STX17: variants seen among roughly 807,000 people sequenced by gnomAD.
STX17 encodes syntaxin 17, also known as syntaxin-17.
Under a neutral mutation model 35.9 loss-of-function variants are expected in STX17, and 29 were observed. The observed-to-expected ratio is 0.81, with a 90% CI of 0.60 to 1.10. The LOEUF (loss-of-function observed/expected upper bound fraction) is 1.10. STX17 is among the 50% of genes least tolerant of loss of function. The pLI is 0.00. For synonymous variants in STX17, 92 were observed against 118.3 expected (o/e 0.78, Z 1.44); for missense variants, 312 against 352.3 (o/e 0.89, Z 0.92).
intron 3 of STX17, chr9:99,945,739 C>G (rs546847556): frequency 7.5e-5 from 30 of 398,936 alleles, no homozygotes; most frequent in African/African-American, 6.2e-4. Flanking sequence ...ACATTTGAGC[C>G]TTCTCCAAGG....
chr9:99,923,791 T>C (rs962666108), intron 2 of STX17, among the ~76,000 whole-genome samples: 2 of 152,170 alleles, frequency 1.3e-5, no homozygotes, highest in Non-Finnish European at 2.9e-5. Context: ...ATTAATTTGC[T>C]GGGATGGCTC....
intron 3 of STX17, among the ~76,000 whole-genome samples, chr9:99,930,638 T>A (rs1222336251): frequency 6.6e-6 from 1 of 152,222 alleles, no homozygotes; most frequent in East Asian, 1.9e-4. Flanking sequence ...CTTTCTAGGC[T>A]TGTTGTGCAG....
At chr9:99,960,446 T>C (rs1007176405) in intron 6 of STX17, among the ~76,000 whole-genome samples, 9 of 151,436 alleles carry the variant, frequency 5.9e-5, no homozygotes, top group African/African-American at 2.2e-4. Context: ...TCTTGTTTTT[T>C]GTGTTTTTTT....
intron 3 of STX17, chr9:99,945,803 C>T (rs1025436266): frequency 7.3e-5 from 26 of 357,556 alleles, no homozygotes; most frequent in African/African-American, 2.4e-4. Context: ...CAGTTGCGGC[C>T]GGGCGCGGTG....
chr9:99,918,845 G>C (rs1002227353), intron 2 of STX17, among the ~76,000 whole-genome samples: 1 of 152,152 alleles, frequency 6.6e-6, no homozygotes, highest in Admixed American at 6.5e-5. Context: ...ACCTGTTGGG[G>C]TGTGTTTATT....
At chr9:99,927,956 T>G (rs1313476973) in intron 2 of STX17, among the ~76,000 whole-genome samples, 1 of 152,190 alleles carries the variant, frequency 6.6e-6, no homozygotes, top group Non-Finnish European at 1.5e-5. Context: ...TAATGTATGT[T>G]TTCTATGCAT....
chr9:99,913,936 C>T (rs148545135), intron 1 of STX17: 151 of 151,176 alleles, frequency 1.0e-3, no homozygotes, highest in African/African-American at 3.4e-3. Flanking sequence ...ACAATGGACT[C>T]TATTCTCCAA....
At chr9:99,950,286 A>T (rs777359138) in intron 3 of STX17, among the ~76,000 whole-genome samples, 5 of 151,976 alleles carry the variant, frequency 3.3e-5, no homozygotes, top group African/African-American at 4.8e-5. Flanking sequence ...CCTTGATGCT[A>T]GTGTGAAGTG....
At chr9:99,940,393 A>G (rs1050398174) in intron 3 of STX17, among the ~76,000 whole-genome samples, 2 of 151,798 alleles carry the variant, frequency 1.3e-5, no homozygotes, top group Non-Finnish European at 2.9e-5. Flanking sequence ...CGGCCTCCCA[A>G]GGTGCTGGGA....
intron 1 of STX17, among the ~76,000 whole-genome samples, chr9:99,907,720 C>T (rs1828579127): frequency 6.6e-6 from 1 of 151,992 alleles, no homozygotes; most frequent in Admixed American, 6.6e-5. Flanking sequence ...TACAGAGTTC[C>T]CTATTGCCTC....
chr9:99,935,675 A>G (rs922802801), intron 3 of STX17, among the ~76,000 whole-genome samples: 1 of 152,250 alleles, frequency 6.6e-6, no homozygotes, highest in Non-Finnish European at 1.5e-5. Flanking sequence ...TATAAGTGCC[A>G]TGAAGAAAAG....
chr9:99,909,491 G>A (rs945260123), intron 1 of STX17, among the ~76,000 whole-genome samples: 1 of 152,156 alleles, frequency 6.6e-6, no homozygotes, highest in Non-Finnish European at 1.5e-5. Flanking sequence ...TCTCTTTGTG[G>A]TATAGAAGAA....
intron 4 of STX17, chr9:99,953,923 GA>G (rs772325129): frequency 6.6e-6 from 1 of 151,984 alleles, no homozygotes; most frequent in Non-Finnish European, 1.5e-5. Context: ...TGTCATCAGA[GA>G]AATTGGGTGA....
chr9:99,915,407 G>T, intron 2 of STX17, 45 bp downstream of exon 2: 1 of 1,554,892 alleles, frequency 6.4e-7, no homozygotes, highest in Non-Finnish European at 8.7e-7. Flanking sequence ...TACATAGTTT[G>T]ATTTATATTG....
At chr9:99,926,151 A>T (rs532353952) in intron 2 of STX17, among the ~76,000 whole-genome samples, 5 of 151,614 alleles carry the variant, frequency 3.3e-5, no homozygotes, top group Admixed American at 1.3e-4. Flanking sequence ...CTCTTTTTTT[A>T]AATTCTATTA....
Position 99,973,561 on chromosome 9 carries a change from T to C in STX17, c.*4888T>C, listed in dbSNP as rs1214754483. 6.6e-6 allele frequency among the ~76,000 whole-genome samples: 1 copy of C among 152,170 alleles called. No individual in the cohort carries two copies. Among genetic ancestry groups the C allele is most frequent in the Non-Finnish European group, 1.5e-5 (1 of 68,022 alleles). ...CTTTCAACCTTAGTGGTCACCAACT[T>C]GACTCCATTCCTTATATCAAGACTT... On this transcript the variant is annotated 3_prime_UTR_variant, in exon 8 of 8. Transcript: ENST00000259400.
chr9:99,945,033 A>G (rs1413679127), intron 3 of STX17, among the ~76,000 whole-genome samples: 2 of 152,138 alleles, frequency 1.3e-5, no homozygotes, highest in Non-Finnish European at 2.9e-5. Flanking sequence ...ATCAATTTTT[A>G]TAATTGTTCT....
chr9:99,967,633 CATA>C lies in STX17; in HGVS notation c.583-17_583-15del, dbSNP rs145747229. ...CTGCTCCCCAGCAGGACCGCTCACTCATAATTCCTTTGCATCTAGTCTCAGCAG... is the reference window on the plus strand; with the variant it reads ...CTGCTCCCCAGCAGGACCGCTCACTCATTCCTTTGCATCTAGTCTCAGCAG... On this transcript the variant is annotated splice_polypyrimidine_tract_variant and intron_variant, in intron 6 of 7. Transcript: ENST00000259400. The C allele has an allele frequency of 3.2e-3, 5,111 of 1,611,618 alleles. 155 individuals are homozygous for C. The African/African-American group carries it at 0.062, about 19-fold the overall frequency.
chr9:99,961,896 G>A (rs575219655), intron 6 of STX17, among the ~76,000 whole-genome samples: 172 of 152,192 alleles, frequency 1.1e-3, no homozygotes, highest in African/African-American at 3.9e-3. Flanking sequence ...ATTGCATTTG[G>A]AGGGTCTAAC....
Sources: allele counts gnomAD v4.1 joint callset (sites outside exome capture counted in the v4.1 genomes callset), GRCh38; gene constraint gnomAD v4.1.1; transcripts MANE v1.5; gene names NCBI Gene and HGNC (gene_info 2026-07-23, HGNC 2026-07-21).